Variants in MCTP1 observed in about 807,000 individuals in gnomAD.
The protein encoded by MCTP1 is multiple C2 and transmembrane domain containing 1, also known as multiple C2 and transmembrane domain-containing protein 1.
MCTP1 carries 69 observed loss-of-function variants against 120.6 expected under a neutral mutation model. The ratio of observed to expected loss-of-function variants is 0.57; its 90% confidence interval spans 0.47 to 0.70. The LOEUF (loss-of-function observed/expected upper bound fraction) is 0.70, where lower values mean the gene tolerates loss of function less well. MCTP1 is among the 30% of genes least tolerant of loss of function. The pLI, the probability that MCTP1 is intolerant of heterozygous loss-of-function variation, is 0.00. For synonymous variants in MCTP1, 529 were observed against 493.1 expected, an observed-to-expected ratio of 1.07 and a Z score of -0.96; for missense variants, 1,203 against 1,248.8, an observed-to-expected ratio of 0.96 and a Z score of 0.55.
At chr5:95,024,114 T>G (rs377030588) in intron 1 of MCTP1, 10 of 441,118 alleles carry the variant, frequency 2.3e-5, no homozygotes, top group African/African-American at 2.0e-4. Context: ...GCAATCCCAT[T>G]TGTCTATTTT....
In MCTP1 at chr5:95,039,138, C is replaced by A. The variant is rs564525170; in HGVS notation, c.721-21654G>T. The stretch of plus-strand genomic sequence containing the variant: ...ATAATACATGTGAAACACTTAGTAT[C>A]CTATGGTAAAAATAAAATATTTAGA... On this transcript the variant is annotated intron_variant, in intron 1 of 22. Transcript: ENST00000515393. Among the ~76,000 whole-genome samples the A allele has an allele frequency of 2.2e-3, 339 of 152,124 alleles. 2 individuals carry two copies. The highest frequency in any genetic ancestry group is 8.1e-3 in the African/African-American group (336 of 41,500).
chr5:95,070,546 G>C (rs556777715), intron 1 of MCTP1, among the ~76,000 whole-genome samples: 193 of 152,284 alleles, frequency 1.3e-3, no homozygotes, highest in African/African-American at 4.5e-3. Flanking sequence ...CTGTATGCTG[G>C]CCCAGTTCCT....
At chr5:94,946,208 A>G (rs773052366) in intron 3 of MCTP1, among the ~76,000 whole-genome samples, 1 of 152,320 alleles carries the variant, frequency 6.6e-6, no homozygotes, top group South Asian at 2.1e-4. Context: ...TAGCTGCCCC[A>G]GGATGCTAAT....
intron 2 of MCTP1, among the ~76,000 whole-genome samples, chr5:94,982,714 C>T (rs1017726142): frequency 5.3e-5 from 8 of 151,544 alleles, no homozygotes; most frequent in African/African-American, 1.9e-4. Context: ...CAGGGCAAAA[C>T]TCTGTATTTA....
In MCTP1 at chr5:94,953,511, A is replaced by T. The variant is rs188371; in HGVS notation, c.839-150T>A. The T allele has an allele frequency of 1.2e-3, 570 of 481,766 alleles. 5 individuals carry two copies. In the East Asian group the frequency reaches 0.019, roughly 16 times the overall value. The allele number at this position is 481,766 out of a possible 1,614,324, so 29.8% of individuals were successfully genotyped here. ...ATAAGAGTTAAGTGTTTTCTTATGA[A>T]TTTTTTATTATATATTGAAGTGATA... On this transcript the variant is annotated intron_variant, in intron 2 of 22. Coordinates refer to ENST00000515393, the MANE Select transcript of MCTP1 (RefSeq NM_024717.7).
At chr5:95,041,326 A>G (rs866890405) in intron 1 of MCTP1, among the ~76,000 whole-genome samples, 3 of 150,930 alleles carry the variant, frequency 2.0e-5, no homozygotes, top group African/African-American at 2.4e-5. Context: ...AAAAAAAAAA[A>G]AAAAAGAAAA....
chr5:94,770,019 T>C (rs542667107), intron 19 of MCTP1, among the ~76,000 whole-genome samples: 5 of 152,364 alleles, frequency 3.3e-5, no homozygotes, highest in East Asian at 3.9e-4. Flanking sequence ...AAAGAATTCC[T>C]ACTTTGTGAA....
chr5:94,869,219 A>G (rs1797383840), intron 16 of MCTP1, among the ~76,000 whole-genome samples: 1 of 152,186 alleles, frequency 6.6e-6, no homozygotes, highest in African/African-American at 2.4e-5. Context: ...TACCACAGCT[A>G]TATTAATAAT....
At chr5:95,266,094 C>T (rs1411322338) in intron 1 of MCTP1, among the ~76,000 whole-genome samples, 1 of 152,216 alleles carries the variant, frequency 6.6e-6, no homozygotes, top group Non-Finnish European at 1.5e-5. Flanking sequence ...CTGCAGGCTA[C>T]AGCTTCCTTT....
intron 1 of MCTP1, among the ~76,000 whole-genome samples, chr5:95,270,764 T>C (rs530672460): frequency 3.3e-5 from 5 of 152,188 alleles, no homozygotes; most frequent in East Asian, 3.9e-4. Flanking sequence ...ACCCCATCTT[T>C]ACTAAAAATA....
chr5:95,106,389 C>T (rs1192099289), intron 1 of MCTP1, among the ~76,000 whole-genome samples: 2 of 152,122 alleles, frequency 1.3e-5, no homozygotes, highest in African/African-American at 4.8e-5. Flanking sequence ...ATGCAGGGAG[C>T]CCACTACTCA....
intron 2 of MCTP1, among the ~76,000 whole-genome samples, chr5:94,971,001 T>C (rs1367460569): frequency 2.0e-5 from 3 of 152,108 alleles, no homozygotes; most frequent in African/African-American, 7.2e-5. Flanking sequence ...TTAATTGCAA[T>C]GATTCTGGGA....
Position 94,920,875 on chromosome 5 carries a change from A to G in MCTP1, c.1273-2902T>C, listed in dbSNP as rs556673551. 2.0e-5 allele frequency among the ~76,000 whole-genome samples: 3 copies of G among 152,186 alleles called. No individual in the cohort carries two copies. In the South Asian group the frequency reaches 6.2e-4, roughly 32 times the overall value. Reference sequence around the variant, plus strand: ...CCTGACCGGAAGGCGGTACTCTGATATAACTTCTAAATTACTTTGTATTTT... The same window carrying G: ...CCTGACCGGAAGGCGGTACTCTGATGTAACTTCTAAATTACTTTGTATTTT... On this transcript the variant is annotated intron_variant, in intron 7 of 22. Coordinates refer to ENST00000515393, the MANE Select transcript of MCTP1 (RefSeq NM_024717.7).
intron 1 of MCTP1, among the ~76,000 whole-genome samples, chr5:95,115,563 A>G (rs1347189081): frequency 6.6e-6 from 1 of 152,082 alleles, no homozygotes; most frequent in African/African-American, 2.4e-5. Context: ...GTTTGCTGAT[A>G]GGCTATTTGA....
chr5:94,895,565 G>T (rs1162206697), intron 10 of MCTP1, among the ~76,000 whole-genome samples: 4 of 152,162 alleles, frequency 2.6e-5, no homozygotes, highest in African/African-American at 9.7e-5. Context: ...CGGAGAGAAA[G>T]GTGGCAGGCA....
intron 1 of MCTP1, among the ~76,000 whole-genome samples, chr5:95,194,635 A>G (rs1163021629): frequency 6.6e-6 from 1 of 152,206 alleles, no homozygotes; most frequent in Admixed American, 6.5e-5. Flanking sequence ...TTTGTTTTCA[A>G]CTAATATCAT....
intron 1 of MCTP1, among the ~76,000 whole-genome samples, chr5:95,117,519 G>A (rs1757910739): frequency 6.6e-6 from 1 of 151,426 alleles, no homozygotes; most frequent in African/African-American, 2.4e-5. Flanking sequence ...GAAACAACAT[G>A]TTGGCAAGGT....
chr5:94,736,358 C>T (rs1764235000), intron 19 of MCTP1, among the ~76,000 whole-genome samples: 1 of 152,088 alleles, frequency 6.6e-6, no homozygotes, highest in Non-Finnish European at 1.5e-5. Flanking sequence ...GGGTGCATGC[C>T]TCTGGTCCCA....
chr5:94,772,889 C>T (rs1774401202), intron 19 of MCTP1, among the ~76,000 whole-genome samples: 1 of 152,192 alleles, frequency 6.6e-6, no homozygotes. Context: ...AGGTCTGGCT[C>T]TTCCACTTGT....
Sources: allele counts gnomAD v4.1 joint callset (sites outside exome capture counted in the v4.1 genomes callset), GRCh38; gene constraint gnomAD v4.1.1; transcripts MANE v1.5; gene names NCBI Gene and HGNC (gene_info 2026-07-23, HGNC 2026-07-21).